Variants in NEGR1 observed in about 807,000 individuals in gnomAD.
The protein encoded by NEGR1 is neuronal growth regulator 1, also known as IgLON family member 4.
NEGR1 carries 10 observed loss-of-function variants against 40.9 expected under a neutral mutation model. The observed-to-expected ratio is 0.24, with a 90% confidence interval of 0.15 to 0.42. The LOEUF (loss-of-function observed/expected upper bound fraction) is 0.42, where lower values mean the gene tolerates loss of function less well. Ranked by LOEUF, NEGR1 falls within the 10% of genes least tolerant of loss-of-function variation. The pLI, the probability that NEGR1 is intolerant of heterozygous loss-of-function variation, is 1.00. For missense variants in NEGR1, 352 were observed against 438.9 expected, an observed-to-expected ratio of 0.80 and a Z score of 1.77; for synonymous variants, 185 against 166.8, an observed-to-expected ratio of 1.11 and a Z score of -0.84.
intron 4 of NEGR1, among the ~76,000 whole-genome samples, chr1:71,637,882 C>T (rs1209090101): frequency 2.0e-5 from 3 of 151,898 alleles, no homozygotes; most frequent in Non-Finnish European, 4.4e-5. Context: ...TATCTGAACA[C>T]CAGCAATGAT....
chr1:71,685,857 T>G (rs1200586771), intron 4 of NEGR1, among the ~76,000 whole-genome samples: 5 of 152,234 alleles, frequency 3.3e-5, no homozygotes, highest in Admixed American at 2.6e-4. Flanking sequence ...AATACTTTTT[T>G]GAAGAAACTT....
At chr1:71,862,875 A>C (rs1659992534) in intron 2 of NEGR1, among the ~76,000 whole-genome samples, 1 of 152,178 alleles carries the variant, frequency 6.6e-6, no homozygotes, top group African/African-American at 2.4e-5. Flanking sequence ...CATTAGAAAA[A>C]TGCATATCAA....
intron 6 of NEGR1, among the ~76,000 whole-genome samples, chr1:71,438,802 T>C (rs1569872138): frequency 2.0e-5 from 3 of 152,246 alleles, no homozygotes; most frequent in Middle Eastern, 6.8e-3. Context: ...TTTGATGCTA[T>C]TATGGCCAGA....
chr1:72,175,236 CTG>C (rs1652124288), intron 1 of NEGR1, among the ~76,000 whole-genome samples: 2 of 152,098 alleles, frequency 1.3e-5, no homozygotes, highest in South Asian at 4.1e-4. Flanking sequence ...AGATTATTAG[CTG>C]TGGATGCTCA....
chr1:72,223,646 T>C (rs1172038622), intron 1 of NEGR1, among the ~76,000 whole-genome samples: 1 of 152,138 alleles, frequency 6.6e-6, no homozygotes, highest in Non-Finnish European at 1.5e-5. Flanking sequence ...GTTATAACAC[T>C]AAATAGCAAG....
chr1:72,033,581 CAT>C (rs1646877667), intron 1 of NEGR1, among the ~76,000 whole-genome samples: 1 of 152,162 alleles, frequency 6.6e-6, no homozygotes, highest in South Asian at 2.1e-4. Context: ...AACATATTAA[CAT>C]ATGCAACCAT....
intron 3 of NEGR1, among the ~76,000 whole-genome samples, chr1:71,739,798 C>T (rs547527376): frequency 6.6e-6 from 1 of 152,250 alleles, no homozygotes; most frequent in African/African-American, 2.4e-5. Context: ...TTTCTATTCC[C>T]TATAGGTTTT....
At chr1:72,213,534 T>TA (rs773972718) in intron 1 of NEGR1, among the ~76,000 whole-genome samples, 5 of 151,952 alleles carry the variant, frequency 3.3e-5, no homozygotes, top group Non-Finnish European at 7.4e-5. Context: ...TACGACCTGT[T>TA]AAATAAACTT....
At chr1:72,106,455 T>C (rs936129407) in intron 1 of NEGR1, among the ~76,000 whole-genome samples, 1 of 152,032 alleles carries the variant, frequency 6.6e-6, no homozygotes, top group African/African-American at 2.4e-5. Flanking sequence ...TCAGTAGATA[T>C]TGCTAGCTCT....
At chr1:72,278,553 AT>A (rs1191687761) in intron 1 of NEGR1, among the ~76,000 whole-genome samples, 1 of 152,110 alleles carries the variant, frequency 6.6e-6, no homozygotes, top group Non-Finnish European at 1.5e-5. Flanking sequence ...CTGCAAAATG[AT>A]TTTTTTAAGT....
chr1:71,883,673 C>T (rs1311376714), intron 2 of NEGR1, among the ~76,000 whole-genome samples: 1 of 151,616 alleles, frequency 6.6e-6, no homozygotes, highest in Admixed American at 6.6e-5. Context: ...TGTGCTGCAC[C>T]CATTAACTCA....
intron 2 of NEGR1, among the ~76,000 whole-genome samples, chr1:71,903,295 T>A (rs1297658429): frequency 6.6e-6 from 1 of 152,006 alleles, no homozygotes; most frequent in East Asian, 1.9e-4. Context: ...ACATTTTTAC[T>A]AAATAAATAA....
rs967525025 is a variant in NEGR1 at position 71,755,029 on chromosome 1, A to T, written c.535+21143T>A. On this transcript the variant is annotated intron_variant, in intron 3 of 6. Coordinates refer to ENST00000357731, the MANE Select transcript of NEGR1 (RefSeq NM_173808.3). ...TCTTCCTTGAGAAAAAGCTTCATAT[A>T]TCCAATTATTCACTGACATTTTCAC... 1.2e-4 allele frequency among the ~76,000 whole-genome samples: 19 copies of T among 152,164 alleles called. 1 individual carries two copies. Among genetic ancestry groups the T allele is most frequent in the African/African-American group, 4.3e-4 (18 of 41,442 alleles).
intron 1 of NEGR1, among the ~76,000 whole-genome samples, chr1:72,179,484 G>A (rs1652287961): frequency 6.6e-6 from 1 of 152,046 alleles, no homozygotes; most frequent in Non-Finnish European, 1.5e-5. Context: ...AAATTCATTA[G>A]CTCAGGTGAA....
At chr1:71,552,064 GC>G (rs1466872803) in intron 6 of NEGR1, among the ~76,000 whole-genome samples, 1 of 151,166 alleles carries the variant, frequency 6.6e-6, no homozygotes, top group Non-Finnish European at 1.5e-5. Context: ...TGTCCTTTTT[GC>G]CCCTGCAGCA....
chr1:72,212,117 T>C (rs988270043), intron 1 of NEGR1, among the ~76,000 whole-genome samples: 1 of 151,992 alleles, frequency 6.6e-6, no homozygotes, highest in African/African-American at 2.4e-5. Context: ...CAAAGATGTT[T>C]ATGCTGTTTT....
At chr1:71,440,653 G>C (rs1458361898) in intron 6 of NEGR1, among the ~76,000 whole-genome samples, 1 of 152,184 alleles carries the variant, frequency 6.6e-6, no homozygotes, top group Non-Finnish European at 1.5e-5. Flanking sequence ...CTGGGAGCTT[G>C]TTAGAAAGGC....
intron 6 of NEGR1, among the ~76,000 whole-genome samples, chr1:71,527,433 A>G (rs909796672): frequency 1.3e-5 from 2 of 150,700 alleles, no homozygotes; most frequent in Non-Finnish European, 3.0e-5. Flanking sequence ...CCATCCATCC[A>G]TCCATCCATC....
At chr1:72,219,045 C>A (rs2100478555) in intron 1 of NEGR1, among the ~76,000 whole-genome samples, 1 of 152,094 alleles carries the variant, frequency 6.6e-6, no homozygotes, top group Non-Finnish European at 1.5e-5. Flanking sequence ...ACAAAGCGCC[C>A]AGATACTTTT....
Sources: allele counts gnomAD v4.1 joint callset (sites outside exome capture counted in the v4.1 genomes callset), GRCh38; gene constraint gnomAD v4.1.1; transcripts MANE v1.5; gene names NCBI Gene and HGNC (gene_info 2026-07-23, HGNC 2026-07-21).